Variants in COBL observed in about 807,000 individuals in gnomAD.
COBL encodes protein cordon-bleu.
Under a neutral mutation model 98.8 loss-of-function variants are expected in COBL, and 51 were observed. The observed-to-expected ratio is 0.52, with a 90% CI of 0.41 to 0.65. COBL has a LOEUF of 0.65. Among genes scored for constraint, COBL ranks in the 30% least tolerant of loss-of-function variants. The pLI is 0.00. For missense variants in COBL, 1,617 were observed against 1,617.5 expected (o/e 1.00, Z 0.01); for synonymous variants, 634 against 651.7 (o/e 0.97, Z 0.41).
chr7:51,311,858 A>C (rs1055385976), intron 1 of COBL, among the ~76,000 whole-genome samples: 6 of 152,330 alleles, frequency 3.9e-5, no homozygotes, highest in Admixed American at 1.3e-4. Flanking sequence ...TACAAAGATG[A>C]AGATATGTAA....
At chr7:51,311,720 G>C (rs1265907079) in intron 1 of COBL, among the ~76,000 whole-genome samples, 1 of 151,898 alleles carries the variant, frequency 6.6e-6, no homozygotes, top group Non-Finnish European at 1.5e-5. Context: ...TATAAAATGG[G>C]GGAGATGGAA....
At chr7:51,208,477 G>T (rs1191324178) in intron 2 of COBL, among the ~76,000 whole-genome samples, 1 of 149,426 alleles carries the variant, frequency 6.7e-6, no homozygotes, top group Non-Finnish European at 1.5e-5. Flanking sequence ...ACCCCATCCG[G>T]GAGGTGAGGG....
At chr7:51,183,266 C>T (rs138344890) in intron 5 of COBL, among the ~76,000 whole-genome samples, 268 of 152,288 alleles carry the variant, frequency 1.8e-3, no homozygotes, top group Non-Finnish European at 3.4e-3. Flanking sequence ...ATGGAGCACA[C>T]TTCCAAACTG....
intron 7 of COBL, among the ~76,000 whole-genome samples, chr7:51,044,309 A>C (rs1789488356): frequency 6.6e-6 from 1 of 152,180 alleles, no homozygotes; most frequent in South Asian, 2.1e-4. Flanking sequence ...TAGAGTGGCA[A>C]CTTGCTCTCC....
Position 51,316,667 on chromosome 7 carries a change from G to A in COBL, c.-34C>T, listed in dbSNP as rs965831171. ...GGGCCGGGACGCGGGCGGTGCTCCG[G>A]GCCCGCCGAGTCAGGCGCTGGCTAC... On this transcript the variant is annotated 5_prime_UTR_variant, in exon 1 of 13. Transcript: ENST00000265136. 62 of 1,190,082 alleles carry A rather than the reference G, an allele frequency of 5.2e-5. 1 individual carries two copies. The Middle Eastern group carries it at 1.6e-3, about 31-fold the overall frequency. 73.7% of individuals were successfully genotyped at this position (1,190,082 alleles called of 1,614,324 possible). A position where few individuals can be genotyped will look rare whatever the true frequency, so the allele number is the denominator to read the frequency against.
In COBL at chr7:51,025,392, A is replaced by G; in HGVS notation, c.3505-20T>C. On this transcript the variant is annotated intron_variant, in intron 11 of 12. Transcript: ENST00000265136. ...TGCCACCTGGCAATGAGATGATTAA[A>G]TGACTGCTATAGAGTGAATGTCTCC... The G allele has an allele frequency of 6.2e-7, 1 of 1,612,702 alleles. No individual in the cohort carries two copies. The highest frequency in any genetic ancestry group is 8.5e-7 in the Non-Finnish European group (1 of 1,179,796).
At chr7:51,176,321 TAA>T (rs1788380704) in intron 5 of COBL, among the ~76,000 whole-genome samples, 2 of 152,132 alleles carry the variant, frequency 1.3e-5, no homozygotes, top group African/African-American at 2.4e-5. Context: ...TAAAATCTGA[TAA>T]GAGACTGAAA....
At chr7:51,284,930 TCTCA>T in intron 1 of COBL, among the ~76,000 whole-genome samples, 1 of 151,980 alleles carries the variant, frequency 6.6e-6, no homozygotes, top group East Asian at 1.9e-4. Flanking sequence ...GAGTGTGTAT[TCTCA>T]CTACTTCCAT....
At chr7:51,116,589 A>G (rs973111796) in intron 6 of COBL, among the ~76,000 whole-genome samples, 2 of 152,128 alleles carry the variant, frequency 1.3e-5, no homozygotes, top group African/African-American at 4.8e-5. Flanking sequence ...AATATATCAC[A>G]TATATTGGAA....
At chr7:51,194,882 A>G (rs1392490109) in intron 2 of COBL, among the ~76,000 whole-genome samples, 1 of 151,606 alleles carries the variant, frequency 6.6e-6, no homozygotes, top group Non-Finnish European at 1.5e-5. Context: ...TTTTCTTGTA[A>G]ATTTGTTTAA....
chr7:51,224,115 G>A (rs1793932161), intron 1 of COBL, among the ~76,000 whole-genome samples: 1 of 152,174 alleles, frequency 6.6e-6, no homozygotes, highest in African/African-American at 2.4e-5. Context: ...GGAACAATAG[G>A]CTACAGCATA....
intron 1 of COBL, among the ~76,000 whole-genome samples, chr7:51,303,600 A>C (rs970152245): frequency 2.0e-5 from 3 of 152,220 alleles, no homozygotes; most frequent in African/African-American, 7.2e-5. Context: ...ACTGGTGTTC[A>C]TGAGCACCTA....
chr7:51,089,270 T>C (rs567940838), intron 6 of COBL, among the ~76,000 whole-genome samples: 200 of 152,108 alleles, frequency 1.3e-3, no homozygotes, highest in African/African-American at 4.2e-3. Flanking sequence ...TCCCAGCACT[T>C]TGGGAGGCTG....
At chr7:51,099,203 T>C (rs1795588943) in intron 6 of COBL, among the ~76,000 whole-genome samples, 1 of 152,006 alleles carries the variant, frequency 6.6e-6, no homozygotes, top group Non-Finnish European at 1.5e-5. Context: ...GGAATAAGTA[T>C]AAAGTACCTC....
intron 4 of COBL, among the ~76,000 whole-genome samples, chr7:51,190,365 C>A (rs1169184351): frequency 6.6e-6 from 1 of 151,994 alleles, no homozygotes. Flanking sequence ...TGGGGATGCA[C>A]CACCACGTCT....
chr7:51,039,322 G>C (rs1178890436), intron 8 of COBL, among the ~76,000 whole-genome samples: 1 of 152,238 alleles, frequency 6.6e-6, no homozygotes, highest in Admixed American at 6.5e-5. Context: ...CCTGTGAACA[G>C]TGGTGGGTTC....
intron 5 of COBL, among the ~76,000 whole-genome samples, chr7:51,169,714 G>A (rs1787665918): frequency 6.6e-6 from 1 of 152,158 alleles, no homozygotes; most frequent in Non-Finnish European, 1.5e-5. Context: ...TCACTGGGGA[G>A]GTGGGGATGG....
At chr7:51,018,272 TGG>T in intron 12 of COBL, 1 of 53,414 alleles carries the variant, frequency 1.9e-5, no homozygotes, top group South Asian at 5.5e-4. Context: ...GTGGTGGTGA[TGG>T]TGATGGTGAT....
intron 1 of COBL, chr7:51,260,210 A>G (rs1797593752): frequency 4.5e-6 from 3 of 670,198 alleles, no homozygotes; most frequent in Admixed American, 2.6e-5. Flanking sequence ...ACTCTACCAC[A>G]TGGGGAAGAT....
Sources: allele counts gnomAD v4.1 joint callset (sites outside exome capture counted in the v4.1 genomes callset), GRCh38; gene constraint gnomAD v4.1.1; transcripts MANE v1.5; gene names NCBI Gene and HGNC (gene_info 2026-07-23, HGNC 2026-07-21).